The following POLA1 variants were observed in gnomAD, a reference collection of about 807,000 sequenced individuals.
POLA1 encodes DNA polymerase alpha 1, catalytic subunit, also known as DNA polymerase alpha catalytic subunit.
In POLA1, 15 loss-of-function variants were observed where a neutral mutation model predicts 124.0. The ratio of observed to expected loss-of-function variants is 0.12; its 90% CI spans 0.08 to 0.19. POLA1 has a LOEUF of 0.19. Among genes scored for constraint, POLA1 ranks in the 10% least tolerant of loss-of-function variants. POLA1 has a pLI of 1.00. For missense variants in POLA1, 886 were observed against 1,103.4 expected, an observed-to-expected ratio of 0.80 and a Z score of 2.79; for synonymous variants, 408 against 389.4, an observed-to-expected ratio of 1.05 and a Z score of -0.56.
At chrX:24,812,157 C>T (rs190362615) in intron 28 of POLA1, among the ~76,000 whole-genome samples, 70 of 112,393 alleles carry the variant, frequency 6.2e-4, no homozygotes, top group African/African-American at 2.1e-3. Context: ...GAGCAGAGGA[C>T]TCTTTATTTG....
chrX:24,801,924 G>GGTGGGTGTGT (rs1555994716), intron 26 of POLA1, among the ~76,000 whole-genome samples: 47 of 74,544 alleles, frequency 6.3e-4, no homozygotes, highest in East Asian at 2.9e-3. Context: ...GAGGTGGGTG[G>GGTGGGTGTGT]GTGTGTGTGT....
At chrX:24,862,115 G>T (rs950760561) in intron 34 of POLA1, among the ~76,000 whole-genome samples, 1 of 111,699 alleles carries the variant, frequency 9.0e-6, no homozygotes, top group Admixed American at 9.5e-5. Flanking sequence ...ACCAGAAAAT[G>T]TATATTAGTG....
rs192212162 is a variant in POLA1 at position 24,769,632 on chromosome X, G to C, written c.2964+20640G>C. 1.3e-3 allele frequency among the ~76,000 whole-genome samples: 141 copies of C among 111,794 alleles called. 1 individual carries two copies. Among genetic ancestry groups the C allele is most frequent in the Non-Finnish European group, 1.4e-3 (76 of 53,162 alleles). On this transcript the variant is annotated intron_variant, in intron 26 of 36. Coordinates refer to ENST00000379068, the MANE Select transcript of POLA1 (RefSeq NM_001330360.2). ...AAGTTACAAGCCTCTGGCATTGGTGGTTCATGGCAGGATTTGATGAAGTTG... is the reference window on the plus strand; with the variant it reads ...AAGTTACAAGCCTCTGGCATTGGTGCTTCATGGCAGGATTTGATGAAGTTG...
intron 17 of POLA1, 55 bp from the exon 18 acceptor site, chrX:24,735,344 C>T (rs1035560330): frequency 9.2e-5 from 65 of 704,769 alleles, no homozygotes; most frequent in Non-Finnish European, 1.4e-4. Flanking sequence ...AGCCAAGATA[C>T]AGTACTTGCG....
chrX:24,859,182 T>A lies in POLA1; in HGVS notation c.4047+15505T>A, dbSNP rs899906574. On this transcript the variant is annotated intron_variant, in intron 34 of 36. Transcript: ENST00000379068. ...TGTCTTTGTATCAGTCCATTCTCTA[T>A]ATCATTTCCAGGATTATTTTTCCAA... Among the ~76,000 whole-genome samples the A allele has an allele frequency of 2.7e-5, 3 of 111,944 alleles. No individual in the cohort carries two copies. The Admixed American group carries it at 2.8e-4, about 11-fold the overall frequency.
chrX:24,843,709 C>T, intron 34 of POLA1, 32 bp downstream of exon 34: 2 of 1,024,745 alleles, frequency 2.0e-6, no homozygotes, highest in African/African-American at 1.9e-5. Flanking sequence ...CTTACATACA[C>T]AACTTATTGA....
At chrX:24,778,103 G>A (rs2045177795) in intron 26 of POLA1, among the ~76,000 whole-genome samples, 1 of 112,335 alleles carries the variant, frequency 8.9e-6, no homozygotes, top group African/African-American at 3.2e-5. Flanking sequence ...GTTCTAGTTG[G>A]TAAGTGACTT....
intron 34 of POLA1, among the ~76,000 whole-genome samples, chrX:24,857,471 C>T (rs527403959): frequency 9.0e-6 from 1 of 111,174 alleles, no homozygotes; most frequent in South Asian, 3.8e-4. Flanking sequence ...GTGTTAAATC[C>T]GTATCAATTG....
intron 4 of POLA1, among the ~76,000 whole-genome samples, chrX:24,713,587 T>G (rs920134165): frequency 2.7e-5 from 3 of 110,853 alleles, no homozygotes; most frequent in Non-Finnish European, 5.7e-5. Flanking sequence ...TGGCTAATTT[T>G]TTGTATTTTA....
chrX:24,893,485 G>A (rs753030788), intron 35 of POLA1, among the ~76,000 whole-genome samples: 1 of 111,739 alleles, frequency 8.9e-6, no homozygotes, highest in Non-Finnish European at 1.9e-5. Context: ...TCACAATGCT[G>A]TGTGGCTACC....
intron 1 of POLA1, among the ~76,000 whole-genome samples, chrX:24,697,924 C>CT (rs1928128157): frequency 9.2e-6 from 1 of 109,188 alleles, no homozygotes; most frequent in South Asian, 3.9e-4. Context: ...ATGTGAAAGT[C>CT]TTTAATTCTG....
At chrX:24,888,891 A>T (rs905639966) in intron 35 of POLA1, among the ~76,000 whole-genome samples, 3 of 105,996 alleles carry the variant, frequency 2.8e-5, no homozygotes, top group African/African-American at 1.0e-4. Context: ...TCTTTTTGAG[A>T]TGGAGTCTAG....
At position 24,704,415 on chromosome X, in the gene POLA1, C is replaced by A. The variant is rs750655891; in HGVS notation, c.292C>A (p.Arg98=). The A allele has an allele frequency of 8.3e-7, 1 of 1,203,205 alleles. No homozygotes were observed. Among genetic ancestry groups the A allele is most frequent in the South Asian group, 1.8e-5 (1 of 56,687 alleles). ...TGGTATTGGCTATGTGGAAGATGGC[C>A]GAGAGATTTTTGATGATGACCTTGA... ...DDGIGYVEDG[R]EIFDDDLEDD... Residue 98 remains arginine (R), a synonymous_variant, in exon 4 of 37, where the codon CGA becomes AGA. Transcript: ENST00000379068.
chrX:24,911,111 A>G (rs2047442982), intron 35 of POLA1, among the ~76,000 whole-genome samples: 1 of 112,489 alleles, frequency 8.9e-6, no homozygotes, highest in African/African-American at 3.2e-5. Flanking sequence ...GAAATTAAAC[A>G]GCACACTTCT....
chrX:24,726,136 T>C (rs1214374298), intron 13 of POLA1, 81 bp downstream of exon 13: 3 of 605,565 alleles, frequency 5.0e-6, no homozygotes, highest in African/African-American at 4.5e-5. Context: ...GACTTTCAGT[T>C]ACGAGTATTG....
chrX:24,837,480 T>C (rs1160748218), intron 32 of POLA1, among the ~76,000 whole-genome samples: 4 of 112,446 alleles, frequency 3.6e-5, no homozygotes, highest in Non-Finnish European at 5.6e-5. Context: ...TGGTAGATTA[T>C]ACCAGTTAAT....
intron 33 of POLA1, among the ~76,000 whole-genome samples, chrX:24,842,172 A>G (rs2046418868): frequency 8.9e-6 from 1 of 111,923 alleles, no homozygotes; most frequent in African/African-American, 3.2e-5. Context: ...CCCATCTATT[A>G]AGACTTAGAC....
intron 36 of POLA1, among the ~76,000 whole-genome samples, chrX:24,960,529 G>A (rs1368805552): frequency 9.0e-6 from 1 of 111,633 alleles, no homozygotes; most frequent in East Asian, 2.8e-4. Flanking sequence ...TACTAAATTT[G>A]AAAAATCGAT....
chrX:24,806,305 T>G (rs1163514260), intron 26 of POLA1, among the ~76,000 whole-genome samples: 1 of 108,317 alleles, frequency 9.2e-6, no homozygotes. Context: ...GGCCCTCTGG[T>G]AGATAGTAAG....
Sources: gnomAD v4.1 joint callset for allele counts (sites outside exome capture counted in the v4.1 genomes callset) on GRCh38, gnomAD v4.1.1 for gene constraint, MANE v1.5 for transcripts, NCBI Gene and HGNC (gene_info 2026-07-23, HGNC 2026-07-21) for gene names.